The following NRIP1 variants were observed in gnomAD, a reference collection of about 807,000 sequenced individuals.
NRIP1 encodes nuclear receptor-interacting protein 1.
Under a neutral mutation model 75.0 loss-of-function variants are expected in NRIP1, and 28 were observed. That is an observed-to-expected ratio of 0.37 (90% CI 0.28 to 0.51). NRIP1 has a LOEUF of 0.51. Among genes scored for constraint, NRIP1 ranks in the 20% least tolerant of loss-of-function variants. The pLI, the probability that NRIP1 is intolerant of heterozygous loss-of-function variation, is 0.92. For missense variants in NRIP1, 1,435 were observed against 1,343.7 expected, an observed-to-expected ratio of 1.07 and a Z score of -1.06; for synonymous variants, 526 against 487.6, an observed-to-expected ratio of 1.08 and a Z score of -1.04.
At chr21:15,030,455 T>G (rs1460234279) in intron 2 of NRIP1, among the ~76,000 whole-genome samples, 1 of 152,226 alleles carries the variant, frequency 6.6e-6, no homozygotes, top group African/African-American at 2.4e-5. Flanking sequence ...TTCTTCATGC[T>G]GCATGCCTAG....
intron 1 of NRIP1, among the ~76,000 whole-genome samples, chr21:15,060,144 T>C (rs2089393931): frequency 6.6e-6 from 1 of 152,156 alleles, no homozygotes; most frequent in African/African-American, 2.4e-5. Flanking sequence ...GAAAAGTTAG[T>C]ATAAATTCCT....
At chr21:15,029,958 T>C (rs893443267) in intron 2 of NRIP1, among the ~76,000 whole-genome samples, 2 of 152,196 alleles carry the variant, frequency 1.3e-5, no homozygotes, top group African/African-American at 4.8e-5. Flanking sequence ...AAACACACTG[T>C]CCTCTTCCTT....
intron 3 of NRIP1, among the ~76,000 whole-genome samples, chr21:14,972,318 GAATAT>G (rs1221225442): frequency 6.6e-6 from 1 of 151,920 alleles, no homozygotes; most frequent in African/African-American, 2.4e-5. Context: ...CTATAGTATA[GAATAT>G]AATTGAGAAA....
At position 14,967,085 on chromosome 21, in the gene NRIP1, T is replaced by C. The variant is rs146257660; in HGVS notation, c.1108A>G (p.Asn370Asp). ...CTATTGTTAGCAGCTTGTTTTATAT[T>C]GTTTCTTTCCAGTGAGTTCTTATAA... Reference protein sequence around the residue: ...AGYKNSLERNNIKQAANNSLL... With the variant: ...AGYKNSLERNDIKQAANNSLL... The change falls in exon 4 of 4, where the codon AAT becomes GAT. Residue 370 changes from asparagine to aspartate, a missense_variant. Transcript: ENST00000318948. 3.1e-6 allele frequency: 5 copies of C among 1,614,012 alleles called. 1 individual carries two copies. The highest frequency in any genetic ancestry group is 2.7e-5 in the African/African-American group (2 of 74,920).
intron 2 of NRIP1, among the ~76,000 whole-genome samples, chr21:15,028,573 A>G (rs2088575531): frequency 6.6e-6 from 1 of 152,232 alleles, no homozygotes; most frequent in Non-Finnish European, 1.5e-5. Flanking sequence ...ACTGATTCAA[A>G]GATTAAATAG....
intron 3 of NRIP1, among the ~76,000 whole-genome samples, chr21:14,972,377 C>G (rs527565643): frequency 1.3e-5 from 2 of 152,202 alleles, no homozygotes; most frequent in South Asian, 4.2e-4. Context: ...AATAGTACAG[C>G]TTGTTGGGAC....
rs1600807930 is a variant in NRIP1 at position 14,968,326 on chromosome 21, G to A, written c.-134C>T. 1 of 644,322 alleles carries A rather than the reference G, an allele frequency of 1.6e-6. No homozygotes were observed. Among genetic ancestry groups the A allele is most frequent in the East Asian group, 2.7e-5 (1 of 36,428 alleles). The allele number at this position is 644,322 out of a possible 1,614,324, so 39.9% of individuals were successfully genotyped here. A position where few individuals can be genotyped will look rare whatever the true frequency, so the allele number is the denominator to read the frequency against. On this transcript the variant is annotated 5_prime_UTR_variant, in exon 4 of 4. Transcript: ENST00000318948. ...CATCGCAATCAGAGAGAGACGTACT[G>A]TTACATTCTGTCCAAGATTTCTTCT...
At chr21:15,050,117 T>C (rs2089169751) in intron 1 of NRIP1, 1 of 152,682 alleles carries the variant, frequency 6.5e-6, no homozygotes, top group Non-Finnish European at 1.5e-5. Flanking sequence ...CACATCTTGG[T>C]ATTTTAATTT....
At chr21:14,970,860 T>C (rs1019896568) in intron 3 of NRIP1, among the ~76,000 whole-genome samples, 10 of 152,232 alleles carry the variant, frequency 6.6e-5, no homozygotes, top group Non-Finnish European at 1.5e-4. Flanking sequence ...GTATTATTCA[T>C]TGCTTTAAAA....
At chr21:15,027,423 TTAA>T (rs2088547450) in intron 2 of NRIP1, among the ~76,000 whole-genome samples, 1 of 152,222 alleles carries the variant, frequency 6.6e-6, no homozygotes, top group Non-Finnish European at 1.5e-5. Flanking sequence ...GGTAAGCATC[TTAA>T]TAATTTTCAC....
intron 3 of NRIP1, among the ~76,000 whole-genome samples, chr21:14,989,579 T>C (rs1296503028): frequency 6.6e-6 from 1 of 152,214 alleles, no homozygotes; most frequent in African/African-American, 2.4e-5. Context: ...GCATAGGCCA[T>C]CTGGCTGAAC....
intron 2 of NRIP1, among the ~76,000 whole-genome samples, chr21:15,026,009 G>A (rs762080992): frequency 6.6e-6 from 1 of 152,280 alleles, no homozygotes; most frequent in Non-Finnish European, 1.5e-5. Context: ...TTAGATAGTA[G>A]TGATGATCAA....
At chr21:15,011,713 A>T (rs1425897753) in intron 3 of NRIP1, among the ~76,000 whole-genome samples, 1 of 152,218 alleles carries the variant, frequency 6.6e-6, no homozygotes, top group African/African-American at 2.4e-5. Context: ...ATTTATGGTC[A>T]TTTAGTTAAC....
At chr21:15,047,497 G>A (rs931110160) in intron 1 of NRIP1, among the ~76,000 whole-genome samples, 2 of 152,146 alleles carry the variant, frequency 1.3e-5, no homozygotes, top group Non-Finnish European at 2.9e-5. Context: ...CTGAGACCGC[G>A]CCACTGCACT....
intron 2 of NRIP1, among the ~76,000 whole-genome samples, chr21:15,042,511 C>A (rs2088978494): frequency 1.3e-5 from 2 of 152,152 alleles, no homozygotes; most frequent in East Asian, 1.9e-4. Flanking sequence ...TAAATTGAAA[C>A]CATATTTGCA....
chr21:15,054,849 C>T (rs2089273420), intron 1 of NRIP1, among the ~76,000 whole-genome samples: 2 of 152,148 alleles, frequency 1.3e-5, no homozygotes, highest in South Asian at 4.1e-4. Context: ...AGCTATAACA[C>T]AAGTTTAACT....
intron 3 of NRIP1, among the ~76,000 whole-genome samples, chr21:14,997,747 A>G: frequency 1.3e-5 from 2 of 149,438 alleles, no homozygotes; most frequent in South Asian, 4.2e-4. Context: ...ATTTATATAT[A>G]CAATTTATAT....
At chr21:15,064,392 C>A (rs1454862431) in intron 1 of NRIP1, among the ~76,000 whole-genome samples, 1 of 152,190 alleles carries the variant, frequency 6.6e-6, no homozygotes, top group African/African-American at 2.4e-5. Context: ...GCCCGGGGTT[C>A]GGGACCGAGA....
chr21:15,000,362 T>C (rs1002066334), intron 3 of NRIP1, among the ~76,000 whole-genome samples: 2 of 152,194 alleles, frequency 1.3e-5, no homozygotes, highest in African/African-American at 4.8e-5. Context: ...CAAATGTTTA[T>C]TAAGCAGTTA....
Sources: gnomAD v4.1 joint callset for allele counts (sites outside exome capture counted in the v4.1 genomes callset) on GRCh38, gnomAD v4.1.1 for gene constraint, MANE v1.5 for transcripts, NCBI Gene and HGNC (gene_info 2026-07-23, HGNC 2026-07-21) for gene names.